IGHMBP2: variants seen among roughly 807,000 people sequenced by gnomAD.
The protein encoded by IGHMBP2 is immunoglobulin mu DNA binding protein 2.
IGHMBP2 carries 81 observed loss-of-function variants against 96.0 expected under a neutral mutation model. The observed-to-expected ratio is 0.84, with a 90% CI of 0.71 to 1.01. IGHMBP2 has a LOEUF of 1.01. Ranked by LOEUF, IGHMBP2 falls within the 50% of genes least tolerant of loss-of-function variation. The pLI is 0.00. For synonymous variants in IGHMBP2, 557 were observed against 548.9 expected, an observed-to-expected ratio of 1.01 and a Z score of -0.21; for missense variants, 1,227 against 1,306.3, an observed-to-expected ratio of 0.94 and a Z score of 0.94.
chr11:68,924,808 G>A lies in IGHMBP2; in HGVS notation c.1061-4375G>A, dbSNP rs541082369. On this transcript the variant is annotated intron_variant, in intron 7 of 14. Transcript: ENST00000255078. Reference sequence around the variant, plus strand: ...CATTTGAGGGGAAGGGATTATGCAAGATGTGAATACCAGTGGCCAGGATCC... The same window carrying A: ...CATTTGAGGGGAAGGGATTATGCAAAATGTGAATACCAGTGGCCAGGATCC... Among the ~76,000 whole-genome samples, 5 of 152,332 alleles carry A rather than the reference G, an allele frequency of 3.3e-5. No individual in the cohort carries two copies. The East Asian group carries it at 7.7e-4, about 24-fold the overall frequency.
At chr11:68,937,640 C>T (rs116718074) in intron 13 of IGHMBP2, 188 of 232,424 alleles carry the variant, frequency 8.1e-4, no homozygotes, top group African/African-American at 4.1e-3. Flanking sequence ...GCTAGGCGTG[C>T]AGTGGGAGTT....
chr11:68,909,671 A>C (rs1404537541), intron 4 of IGHMBP2, among the ~76,000 whole-genome samples: 1 of 150,786 alleles, frequency 6.6e-6, no homozygotes, highest in Admixed American at 6.6e-5. Flanking sequence ...TCTGTCACCA[A>C]GAGTGGGGTG....
intron 1 of IGHMBP2, 42 bp downstream of exon 1, chr11:68,904,080 G>T (rs991948556): frequency 1.3e-6 from 2 of 1,484,796 alleles, no homozygotes; most frequent in African/African-American, 1.4e-5. Context: ...GGTCGGTCCC[G>T]CCGTGTCCCG....
rs1380556705 is a variant in IGHMBP2 at position 68,933,437 on chromosome 11, T to C, written c.1374T>C (p.Leu458=). The C allele has an allele frequency of 6.2e-7, 1 of 1,613,300 alleles. No individual in the cohort carries two copies. The highest frequency in any genetic ancestry group is 8.5e-7 in the Non-Finnish European group (1 of 1,179,928). The change falls in exon 9 of 15, where the codon CTT becomes CTC. Residue 458 remains leucine (L), a synonymous_variant. Coordinates refer to ENST00000255078, the MANE Select transcript of IGHMBP2 (RefSeq NM_002180.3). ...GCTGGGCCTCAGACACCATGTACCTTGGGCAGCTCACAGCCCACTCTTCCG... is the reference window on the plus strand; with the variant it reads ...GCTGGGCCTCAGACACCATGTACCTCGGGCAGCTCACAGCCCACTCTTCCG... The part of the protein sequence containing the change: ...IMRWASDTMY[L]GQLTAHSSVA...
intron 5 of IGHMBP2, among the ~76,000 whole-genome samples, chr11:68,912,376 T>A (rs1858473733): frequency 1.3e-5 from 2 of 152,154 alleles, no homozygotes. Flanking sequence ...TTGATCTGCC[T>A]GCCTCAGCCT....
chr11:68,920,939 A>G (rs909237272), intron 7 of IGHMBP2, among the ~76,000 whole-genome samples: 4 of 152,042 alleles, frequency 2.6e-5, no homozygotes, highest in Non-Finnish European at 5.9e-5. Flanking sequence ...GAGCCATTAC[A>G]CCTGGCTAAT....
chr11:68,923,879 T>C (rs1317713944), intron 7 of IGHMBP2, among the ~76,000 whole-genome samples: 3 of 152,208 alleles, frequency 2.0e-5, no homozygotes, highest in African/African-American at 7.2e-5. Context: ...GCAGTCTCTT[T>C]GGCATTTTGT....
chr11:68,933,742 C>T, intron 9 of IGHMBP2, 53 bp from the exon 10 acceptor site: 1 of 1,420,238 alleles, frequency 7.0e-7, no homozygotes, highest in Non-Finnish European at 9.9e-7. Context: ...TGGGTGGGGC[C>T]TCAGTGCTGC....
In IGHMBP2 at chr11:68,936,453, G is replaced by T; in HGVS notation, c.1973G>T (p.Gly658Val). The T allele has an allele frequency of 6.2e-7, 1 of 1,613,994 alleles. No homozygotes were observed. The highest frequency in any genetic ancestry group is 8.5e-7 in the Non-Finnish European group (1 of 1,180,000). The change falls in exon 13 of 15, where the codon GGT becomes GTT. Residue 658 changes from glycine to valine, a missense_variant. Physicochemically the swap from Gly to Val is moderately radical, Grantham distance 109. Coordinates refer to ENST00000255078, the MANE Select transcript of IGHMBP2 (RefSeq NM_002180.3). ...PENYSHENSQGSSHAATKPQG... is the reference protein window; with the variant it reads ...PENYSHENSQVSSHAATKPQG... Reference sequence around the variant, plus strand: ...AACTATTCCCATGAGAACTCCCAGGGTTCCAGCCACGCTGCCACCAAGCCC... The same window carrying T: ...AACTATTCCCATGAGAACTCCCAGGTTTCCAGCCACGCTGCCACCAAGCCC...
chr11:68,920,581 G>A (rs1858840795), intron 7 of IGHMBP2, among the ~76,000 whole-genome samples: 1 of 152,166 alleles, frequency 6.6e-6, no homozygotes, highest in Non-Finnish European at 1.5e-5. Context: ...CTCCTGGGCT[G>A]AAGTGATTCT....
rs747881237 is a variant in IGHMBP2, at chr11:68,929,363, AC to A, written c.1235+10del. On this transcript the variant is annotated splice_region_variant and intron_variant, in intron 8 of 14. Coordinates refer to ENST00000255078, the MANE Select transcript of IGHMBP2 (RefSeq NM_002180.3). The stretch of plus-strand genomic sequence containing the variant: ...CCCACCACAGTCTCTCACAAGTAAG[AC>A]CCCTTTGCCTCACATGCCCTTCTCT... The A allele has an allele frequency of 4.3e-6, 7 of 1,611,832 alleles. No homozygotes were observed. The Admixed American group carries it at 1.0e-4, about 23-fold the overall frequency.
At chr11:68,905,458 G>C (rs1858152724) in intron 1 of IGHMBP2, among the ~76,000 whole-genome samples, 1 of 152,192 alleles carries the variant, frequency 6.6e-6, no homozygotes, top group African/African-American at 2.4e-5. Context: ...GCTCAGCGTG[G>C]TGCCAAGGAC....
intron 7 of IGHMBP2, among the ~76,000 whole-genome samples, chr11:68,928,392 C>T (rs1306784305): frequency 1.3e-5 from 2 of 152,220 alleles, no homozygotes; most frequent in Non-Finnish European, 2.9e-5. Context: ...CTAGCCATCT[C>T]TGAAGAGTCA....
chr11:68,939,446 G>A, intron 14 of IGHMBP2, 88 bp from the exon 15 acceptor site: 4 of 1,404,656 alleles, frequency 2.8e-6, no homozygotes, highest in East Asian at 4.6e-5. Context: ...TGGGGCGCCT[G>A]TGGCCCCCCA....
Position 68,935,428 on chromosome 11 carries a change from GA to G in IGHMBP2, c.1756+7del. The G allele has an allele frequency of 6.2e-7, 1 of 1,613,944 alleles. No homozygotes were observed. Among genetic ancestry groups the G allele is most frequent in the Admixed American group, 1.7e-5 (1 of 60,028 alleles). Reference sequence around the variant, plus strand: ...CGTCAGATCCAACAGGAAAGGTACGGAGCCCTCGCCAGAGTCCTTTGGGGAC... The same window carrying G: ...CGTCAGATCCAACAGGAAAGGTACGGGCCCTCGCCAGAGTCCTTTGGGGAC... On this transcript the variant is annotated splice_region_variant and intron_variant, in intron 12 of 14. Transcript: ENST00000255078.
At position 68,908,603 on chromosome 11, in the gene IGHMBP2, A is replaced by T; in HGVS notation, c.519A>T (p.Arg173Ser). 1.2e-6 allele frequency: 2 copies of T among 1,613,258 alleles called. No homozygotes were observed. The highest frequency in any genetic ancestry group is 1.3e-5 in the African/African-American group (1 of 75,010). ...CACTCATAGAAGTGCTCTTTGGCAG[A>T]TCTGCTCCCAGTCCTGCCAGTGAAA... The part of the protein sequence containing the change: ...ASSLIEVLFG[R>S]SAPSPASEIH... The change falls in exon 4 of 15, where the codon AGA becomes AGT. Residue 173 changes from arginine (R) to serine (S), a missense_variant. Physicochemically the swap from Arg to Ser is moderately radical, Grantham distance 110. Transcript: ENST00000255078.
At chr11:68,909,922 G>C (rs371561361) in intron 4 of IGHMBP2, among the ~76,000 whole-genome samples, 1 of 152,176 alleles carries the variant, frequency 6.6e-6, no homozygotes, top group African/African-American at 2.4e-5. Context: ...GTGAGCCACC[G>C]TGCCCGGTCT....
chr11:68,907,461 G>A (rs533268912), intron 2 of IGHMBP2, among the ~76,000 whole-genome samples: 53 of 152,280 alleles, frequency 3.5e-4, no homozygotes, highest in Admixed American at 1.2e-3. Context: ...TTAACCACAC[G>A]CCTGGGATGC....
chr11:68,914,840 C>A lies in IGHMBP2; in HGVS notation c.729C>A (p.Pro243=). The A allele has an allele frequency of 6.2e-7, 1 of 1,614,288 alleles. No homozygotes were observed. The highest frequency in any genetic ancestry group is 2.2e-5 in the East Asian group (1 of 44,896). Residue 243 remains proline (P), a synonymous_variant, in exon 6 of 15, where the codon CCC becomes CCA. Coordinates refer to ENST00000255078, the MANE Select transcript of IGHMBP2 (RefSeq NM_002180.3). Reference sequence around the variant, plus strand: ...GTTCCCAGGTTCTGTGCTGCGCCCCCTCCAACATCGCCGTGGACAATCTGG... The same window carrying A: ...GTTCCCAGGTTCTGTGCTGCGCCCCATCCAACATCGCCGTGGACAATCTGG... ...KQGLKVLCCA[P]SNIAVDNLVE... is the part of the protein sequence containing the mutation.
Sources: gnomAD v4.1 joint callset for allele counts (sites outside exome capture counted in the v4.1 genomes callset) on GRCh38, gnomAD v4.1.1 for gene constraint, MANE v1.5 for transcripts, NCBI Gene and HGNC (gene_info 2026-07-23, HGNC 2026-07-21) for gene names.